Variants in GARNL3 observed in about 807,000 individuals in gnomAD.
The protein encoded by GARNL3 is GTPase activating Rap/RanGAP domain like 3.
Under a neutral mutation model 125.0 loss-of-function variants are expected in GARNL3, and 63 were observed. The observed-to-expected ratio is 0.50, with a 90% CI of 0.41 to 0.62. The LOEUF is 0.62. Ranked by LOEUF, GARNL3 falls within the 20% of genes least tolerant of loss-of-function variation. GARNL3 has a pLI of 0.00. For missense variants in GARNL3, 994 were observed against 1,244.0 expected (o/e 0.80, Z 3.02); for synonymous variants, 439 against 457.5 (o/e 0.96, Z 0.52).
chr9:127,346,566 TTAA>T (rs756613924), intron 16 of GARNL3, among the ~76,000 whole-genome samples: 1 of 152,188 alleles, frequency 6.6e-6, no homozygotes, highest in Non-Finnish European at 1.5e-5. Flanking sequence ...CCAGTAAGAT[TTAA>T]TAATGATAAG....
intron 5 of GARNL3, among the ~76,000 whole-genome samples, chr9:127,319,299 A>T (rs1016077620): frequency 6.6e-6 from 1 of 152,078 alleles, no homozygotes; most frequent in South Asian, 2.1e-4. Flanking sequence ...CCTGGCCAAT[A>T]TAGTGAAACC....
chr9:127,355,195 A>T, intron 19 of GARNL3, 102 bp from the exon 20 acceptor site: 1 of 871,682 alleles, frequency 1.1e-6, no homozygotes, highest in Non-Finnish European at 1.9e-6. Context: ...TCACTGAGTT[A>T]TGCTTAATTT....
At chr9:127,300,746 C>T (rs763954023) in intron 2 of GARNL3, 49 of 352,430 alleles carry the variant, frequency 1.4e-4, no homozygotes, top group Non-Finnish European at 2.2e-4. Flanking sequence ...CGAGCCACCG[C>T]GCCTGGCCCT....
At chr9:127,360,439 G>A (rs1284372994) in intron 21 of GARNL3, among the ~76,000 whole-genome samples, 1 of 152,168 alleles carries the variant, frequency 6.6e-6, no homozygotes, top group Non-Finnish European at 1.5e-5. Flanking sequence ...AGCAGGCACG[G>A]TGCAGTGCAC....
chr9:127,251,555 C>T (rs1206833732), intron 2 of GARNL3, among the ~76,000 whole-genome samples: 2 of 152,170 alleles, frequency 1.3e-5, no homozygotes, highest in Non-Finnish European at 2.9e-5. Flanking sequence ...TGAAGAAAAA[C>T]AGAGCACAGA....
In GARNL3 at chr9:127,353,581, C is replaced by T. The variant is rs114882759; in HGVS notation, c.1544-265C>T. 2,028 of 325,148 alleles carry T rather than the reference C, an allele frequency of 6.2e-3. 51 individuals carry two copies. Among genetic ancestry groups the T allele is most frequent in the African/African-American group, 0.043 (1,932 of 44,900 alleles). The allele number at this position is 325,148 out of a possible 1,614,324, so 20.1% of individuals were successfully genotyped here. A position where few individuals can be genotyped will look rare whatever the true frequency, so the allele number is the denominator to read the frequency against. Reference sequence around the variant, plus strand: ...CTTTTTCTTTGATGAACAAAAATAGCGTTTTCATGCCTCTGCTGCTACGCC... The same window carrying T: ...CTTTTTCTTTGATGAACAAAAATAGTGTTTTCATGCCTCTGCTGCTACGCC... On this transcript the variant is annotated intron_variant, in intron 17 of 27. Coordinates refer to ENST00000373387, the MANE Select transcript of GARNL3 (RefSeq NM_032293.5).
chr9:127,356,888 T>G (rs1830716826), intron 20 of GARNL3, among the ~76,000 whole-genome samples: 1 of 152,238 alleles, frequency 6.6e-6, no homozygotes, highest in Non-Finnish European at 1.5e-5. Context: ...TAGTTAGCAA[T>G]TATTAATACT....
chr9:127,230,675 C>A (rs1462062188), intron 1 of GARNL3, among the ~76,000 whole-genome samples: 4 of 150,492 alleles, frequency 2.7e-5, no homozygotes, highest in South Asian at 4.2e-4. Flanking sequence ...AAAAAAAAGA[C>A]GTTTACATAA....
intron 1 of GARNL3, among the ~76,000 whole-genome samples, chr9:127,282,680 T>C (rs187319575): frequency 6.6e-6 from 1 of 152,316 alleles, no homozygotes; most frequent in African/African-American, 2.4e-5. Flanking sequence ...GAGTTTTTTT[T>C]CTAAGTAAAA....
At chr9:127,383,398 T>G in intron 22 of GARNL3, 40 bp from the exon 23 acceptor site, 1 of 1,263,436 alleles carries the variant, frequency 7.9e-7, no homozygotes, top group Non-Finnish European at 1.1e-6. Context: ...ATCTAAGTGT[T>G]GTCTCTAACA....
At chr9:127,246,013 C>T (rs2063297302) in intron 2 of GARNL3, among the ~76,000 whole-genome samples, 1 of 152,124 alleles carries the variant, frequency 6.6e-6, no homozygotes, top group Non-Finnish European at 1.5e-5. Context: ...ATGAAGTTGA[C>T]CAAGCACCAA....
At chr9:127,360,324 G>A in intron 21 of GARNL3, among the ~76,000 whole-genome samples, 1 of 151,568 alleles carries the variant, frequency 6.6e-6, no homozygotes, top group East Asian at 1.9e-4. Context: ...ACCCGGCCAA[G>A]AAAAAAAAGT....
Position 127,345,474 on chromosome 9 carries a change from A to G in GARNL3, c.1428A>G (p.Lys476=), listed in dbSNP as rs771788753. The change falls in exon 16 of 28, where the codon AAA becomes AAG. Residue 476 remains lysine (K), a synonymous_variant. Coordinates refer to ENST00000373387, the MANE Select transcript of GARNL3 (RefSeq NM_032293.5). ...SSLAASGICK[K]EPWEPQCFCS... is the part of the protein sequence containing the mutation. ...TGGCAGCTTCAGGGATCTGTAAAAA[A>G]GAGGTGAGTTCATGATACTTTCAAT... 1 of 1,588,556 alleles carries G rather than the reference A, an allele frequency of 6.3e-7. No homozygotes were observed. Among genetic ancestry groups the G allele is most frequent in the East Asian group, 2.2e-5 (1 of 44,566 alleles).
intron 1 of GARNL3, among the ~76,000 whole-genome samples, chr9:127,285,652 A>G (rs1028030513): frequency 4.6e-5 from 7 of 152,158 alleles, no homozygotes; most frequent in African/African-American, 1.7e-4. Context: ...CTTTCTAGTT[A>G]TAATAGTTTT....
At chr9:127,329,874 G>A (rs1360269570) in intron 7 of GARNL3, among the ~76,000 whole-genome samples, 1 of 152,082 alleles carries the variant, frequency 6.6e-6, no homozygotes, top group African/African-American at 2.4e-5. Context: ...GGTCCTTTCT[G>A]GTTTTAGCAG....
chr9:127,336,017 G>C lies in GARNL3; in HGVS notation c.874-111G>C, dbSNP rs894699375. 7.8e-5 allele frequency: 59 copies of C among 754,280 alleles called. No individual in the cohort carries two copies. The East Asian group carries it at 1.6e-3, about 20-fold the overall frequency. The allele number at this position is 754,280 out of a possible 1,614,324, so 46.7% of individuals were successfully genotyped here. A position where few individuals can be genotyped will look rare whatever the true frequency, so the allele number is the denominator to read the frequency against. The stretch of plus-strand genomic sequence containing the variant: ...TGAAGTCAAAGATGTCTGAAGTTCA[G>C]GGCTCTGTCATAGTGGCTGTGGTTT... On this transcript the variant is annotated intron_variant, in intron 10 of 27. Transcript: ENST00000373387.
chr9:127,311,795 A>C, intron 3 of GARNL3, 60 bp downstream of exon 3: 1 of 1,172,008 alleles, frequency 8.5e-7, no homozygotes, highest in Non-Finnish European at 1.3e-6. Flanking sequence ...GTTAGTGTTC[A>C]TATAACTTCT....
intron 9 of GARNL3, among the ~76,000 whole-genome samples, 176 bp from the exon 10 acceptor site, chr9:127,335,054 G>A (rs1022531477): frequency 6.6e-6 from 1 of 152,224 alleles, no homozygotes; most frequent in African/African-American, 2.4e-5. Flanking sequence ...GAGAGGAAGA[G>A]GCCTTTCCAT....
At chr9:127,225,512 G>C (rs1352864619) in intron 1 of GARNL3, 3 of 396,152 alleles carry the variant, frequency 7.6e-6, no homozygotes, top group African/African-American at 6.5e-5. Flanking sequence ...GGTCTGCGGA[G>C]GTTCTCAGGA....
Sources: gnomAD v4.1 joint callset for allele counts (sites outside exome capture counted in the v4.1 genomes callset) on GRCh38, gnomAD v4.1.1 for gene constraint, MANE v1.5 for transcripts, NCBI Gene and HGNC (gene_info 2026-07-23, HGNC 2026-07-21) for gene names.